ZNF385D: variants seen among roughly 807,000 people sequenced by gnomAD.
ZNF385D encodes the protein zinc finger protein 659.
In ZNF385D, 15 loss-of-function variants were observed where a neutral mutation model predicts 35.8. The observed-to-expected ratio is 0.42, with a 90% CI of 0.28 to 0.64. The LOEUF (loss-of-function observed/expected upper bound fraction) is 0.64. ZNF385D is among the 30% of genes least tolerant of loss of function. The pLI is 0.23. For missense variants in ZNF385D, 474 were observed against 494.6 expected (o/e 0.96, Z 0.39); for synonymous variants, 212 against 186.8 (o/e 1.13, Z -1.10).
chr3:22,248,482 A>C (rs1273592284), intron 2 of ZNF385D, among the ~76,000 whole-genome samples: 1 of 152,188 alleles, frequency 6.6e-6, no homozygotes, highest in African/African-American at 2.4e-5. Context: ...AGGAAATCAT[A>C]CAACTCATTA....
Position 21,573,186 on chromosome 3 carries a change from A to G in ZNF385D, c.166-8502T>C, listed in dbSNP as rs115055138. 6.2e-3 allele frequency among the ~76,000 whole-genome samples: 944 copies of G among 152,318 alleles called. 10 individuals carry two copies. The highest frequency in any genetic ancestry group is 0.021 in the African/African-American group (892 of 41,574). On this transcript the variant is annotated intron_variant, in intron 2 of 7. Coordinates refer to ENST00000281523, the MANE Select transcript of ZNF385D (RefSeq NM_024697.3). Reference sequence around the variant, plus strand: ...GGAAATGTCTACACCCTCTAAATCAATTAGGTTCTCTAGATATACAGAGGA... The same window carrying G: ...GGAAATGTCTACACCCTCTAAATCAGTTAGGTTCTCTAGATATACAGAGGA...
intron 1 of ZNF385D, among the ~76,000 whole-genome samples, chr3:21,703,753 G>A (rs1005748085): frequency 8.6e-5 from 13 of 151,840 alleles, no homozygotes; most frequent in African/African-American, 4.8e-5. Context: ...TTATGCTGGT[G>A]AGTTGGCCAA....
At position 22,008,360 on chromosome 3, in the gene ZNF385D, C is replaced by CATTTTTT. The variant is rs773952386; in HGVS notation, c.325+160456_325+160457insAAAAAAT. 1.1e-4 allele frequency among the ~76,000 whole-genome samples: 14 copies of CATTTTTT among 131,946 alleles called. 1 individual carries two copies. Among genetic ancestry groups the CATTTTTT allele is most frequent in the East Asian group, 2.1e-4 (1 of 4,778 alleles). The allele number at this position is 131,946 out of a possible 152,430, so 86.6% of individuals were successfully genotyped here. On this transcript the variant is annotated intron_variant, in intron 3 of 5. Coordinates refer to the ZNF385D transcript ENST00000494108. ...TCACTTTCATACAGGCCATGATTTT[C>CATTTTTT]TTTTTTTTTTTTGAGGCGGAGTCTC... is the stretch of plus-strand genomic sequence containing the variant.
intron 2 of ZNF385D, among the ~76,000 whole-genome samples, chr3:22,198,784 A>G (rs1696590444): frequency 2.0e-5 from 3 of 152,106 alleles, no homozygotes; most frequent in Non-Finnish European, 4.4e-5. Flanking sequence ...CCCAATCTTC[A>G]TATATGAGAT....
At chr3:21,913,239 T>C (rs2125915764) in intron 3 of ZNF385D, among the ~76,000 whole-genome samples, 1 of 152,244 alleles carries the variant, frequency 6.6e-6, no homozygotes, top group Non-Finnish European at 1.5e-5. Context: ...AGTGTCACCA[T>C]GCAGTGCTGC....
intron 3 of ZNF385D, among the ~76,000 whole-genome samples, chr3:22,146,625 A>G (rs115688166): frequency 6.6e-6 from 1 of 152,134 alleles, no homozygotes; most frequent in African/African-American, 2.4e-5. Flanking sequence ...TGCAAAAATA[A>G]TAACTTTTCT....
chr3:21,739,385 T>G (rs1478503119), intron 1 of ZNF385D, among the ~76,000 whole-genome samples: 1 of 152,184 alleles, frequency 6.6e-6, no homozygotes, highest in African/African-American at 2.4e-5. Context: ...ACTGTGTGTG[T>G]TGTTTTAAGG....
chr3:21,496,035 C>T (rs1705815667), intron 4 of ZNF385D, among the ~76,000 whole-genome samples: 1 of 151,652 alleles, frequency 6.6e-6, no homozygotes, highest in Non-Finnish European at 1.5e-5. Flanking sequence ...ATAACAAGTT[C>T]CAAAATTGAA....
At chr3:21,530,617 T>TA (rs1191227834) in intron 3 of ZNF385D, among the ~76,000 whole-genome samples, 2 of 152,122 alleles carry the variant, frequency 1.3e-5, no homozygotes, top group African/African-American at 4.8e-5. Flanking sequence ...CATGATAACT[T>TA]ACAAGAGTTA....
chr3:21,624,240 C>G lies in ZNF385D; in HGVS notation c.165+40646G>C, dbSNP rs2065078642. 2.0e-5 allele frequency among the ~76,000 whole-genome samples: 3 copies of G among 152,012 alleles called. No individual in the cohort carries two copies. The South Asian group carries it at 6.2e-4, about 31-fold the overall frequency. On this transcript the variant is annotated intron_variant, in intron 2 of 7. Coordinates refer to ENST00000281523, the MANE Select transcript of ZNF385D (RefSeq NM_024697.3). ...GTTTTGGAAATTACAGTTTGTTCTG[C>G]CCTTGGAGCTTCCCAGCTTGGCCAC... is the stretch of plus-strand genomic sequence containing the variant.
chr3:22,076,315 C>T (rs1700461299), intron 3 of ZNF385D, among the ~76,000 whole-genome samples: 5 of 151,914 alleles, frequency 3.3e-5, no homozygotes, highest in Admixed American at 2.6e-4. Context: ...ACCCACTATT[C>T]CCCAACCTTG....
At chr3:22,317,397 C>A (rs1703959277) in intron 2 of ZNF385D, among the ~76,000 whole-genome samples, 1 of 151,472 alleles carries the variant, frequency 6.6e-6, no homozygotes, top group Admixed American at 6.6e-5. Context: ...GCAACCACCA[C>A]TGGAAAATAA....
intron 2 of ZNF385D, among the ~76,000 whole-genome samples, chr3:21,590,137 T>G (rs1203273741): frequency 6.6e-6 from 1 of 152,142 alleles, no homozygotes; most frequent in Non-Finnish European, 1.5e-5. Context: ...CTATGGTCTA[T>G]TCACACAGCA....
chr3:21,768,826 T>C (rs1034905914), intron 3 of ZNF385D, among the ~76,000 whole-genome samples: 27 of 151,852 alleles, frequency 1.8e-4, no homozygotes, highest in African/African-American at 6.5e-4. Context: ...CCAGTTGAAA[T>C]AACAAATCAG....
chr3:22,168,328 A>C (rs1706468166), intron 3 of ZNF385D, among the ~76,000 whole-genome samples: 2 of 152,210 alleles, frequency 1.3e-5, no homozygotes, highest in African/African-American at 4.8e-5. Flanking sequence ...TATTAAATAA[A>C]CCATAAATTT....
chr3:22,301,026 G>A (rs971780361), intron 2 of ZNF385D, among the ~76,000 whole-genome samples: 5 of 151,986 alleles, frequency 3.3e-5, no homozygotes, highest in Non-Finnish European at 7.4e-5. Flanking sequence ...CCAAGATACA[G>A]AAACAACCTA....
chr3:21,493,548 A>G (rs1015991542), intron 4 of ZNF385D, among the ~76,000 whole-genome samples: 1 of 152,064 alleles, frequency 6.6e-6, no homozygotes, highest in Non-Finnish European at 1.5e-5. Context: ...AAGTAACACT[A>G]TATACTGATC....
At chr3:22,108,185 G>A (rs1367146013) in intron 3 of ZNF385D, among the ~76,000 whole-genome samples, 2 of 152,026 alleles carry the variant, frequency 1.3e-5, no homozygotes, top group Non-Finnish European at 2.9e-5. Flanking sequence ...TGAAATATTT[G>A]TATGTCTGCA....
chr3:21,868,935 G>A (rs150276409), intron 3 of ZNF385D, among the ~76,000 whole-genome samples: 2 of 152,020 alleles, frequency 1.3e-5, no homozygotes, highest in African/African-American at 4.8e-5. Context: ...GAAATTTTAT[G>A]CTCTCTCATA....
Sources: gnomAD v4.1 joint callset for allele counts (sites outside exome capture counted in the v4.1 genomes callset) on GRCh38, gnomAD v4.1.1 for gene constraint, MANE v1.5 for transcripts, NCBI Gene and HGNC (gene_info 2026-07-23, HGNC 2026-07-21) for gene names.